Variants in CLNK observed in about 807,000 individuals in gnomAD.
CLNK encodes the protein cytokine dependent hematopoietic cell linker.
CLNK carries 74 observed loss-of-function variants against 68.6 expected under a neutral mutation model. The ratio of observed to expected loss-of-function variants is 1.08; its 90% CI spans 0.89 to 1.31. The LOEUF (loss-of-function observed/expected upper bound fraction) is 1.31. CLNK is among the 50% of genes most tolerant of loss of function. The pLI is 0.00. For synonymous variants in CLNK, 198 were observed against 172.2 expected (o/e 1.15, Z -1.17); for missense variants, 553 against 515.3 (o/e 1.07, Z -0.71).
At chr4:10,664,398 C>T (rs891292476) in intron 2 of CLNK, among the ~76,000 whole-genome samples, 7 of 152,196 alleles carry the variant, frequency 4.6e-5, no homozygotes, top group African/African-American at 1.7e-4. Context: ...GAAGTGAGAA[C>T]TACCCCACAA....
chr4:10,733,488 A>G, the CLNK span, among the ~76,000 whole-genome samples: 77 of 152,328 alleles, frequency 5.1e-4, no homozygotes, highest in Admixed American at 9.8e-4. Flanking sequence ...TAGTTTTCTG[A>G]TGTATAAAAT....
At chr4:10,634,366 T>C (rs1284328457) in intron 2 of CLNK, among the ~76,000 whole-genome samples, 1 of 152,220 alleles carries the variant, frequency 6.6e-6, no homozygotes, top group African/African-American at 2.4e-5. Context: ...CCCCACTGTT[T>C]CCCAGCTTCC....
upstream of CLNK, chr4:10,684,969 G>A (rs1725216277): frequency 1.3e-5 from 2 of 152,148 alleles, no homozygotes. Flanking sequence ...AATGCAAAGG[G>A]TGTTTTTAAA....
chr4:10,681,499 A>G (rs1725090078), intron 1 of CLNK, among the ~76,000 whole-genome samples: 1 of 152,248 alleles, frequency 6.6e-6, no homozygotes, highest in African/African-American at 2.4e-5. Context: ...TTCATGTTGT[A>G]TCTAGACCTT....
intron 15 of CLNK, among the ~76,000 whole-genome samples, chr4:10,514,108 G>A (rs1247961483): frequency 7.1e-6 from 1 of 140,690 alleles, no homozygotes; most frequent in East Asian, 2.1e-4. Context: ...AATATGCGGT[G>A]TTTGGTTTTT....
chr4:10,679,212 C>T (rs908642869), intron 1 of CLNK, among the ~76,000 whole-genome samples: 3 of 152,156 alleles, frequency 2.0e-5, no homozygotes, highest in Non-Finnish European at 4.4e-5. Flanking sequence ...AATAATGCCA[C>T]ATATCTACAA....
intron 16 of CLNK, among the ~76,000 whole-genome samples, chr4:10,509,687 G>A (rs1717481903): frequency 1.3e-5 from 2 of 151,984 alleles, no homozygotes; most frequent in African/African-American, 2.4e-5. Flanking sequence ...CACCATGCCC[G>A]GCTAATTTTT....
the CLNK span, among the ~76,000 whole-genome samples, chr4:10,717,409 A>C: frequency 2.0e-5 from 3 of 152,292 alleles, no homozygotes; most frequent in South Asian, 6.2e-4. Flanking sequence ...CAGCCTGGGC[A>C]ACTTAGAGAA....
chr4:10,616,943 TG>T lies in CLNK; in HGVS notation c.12-18895del, dbSNP rs970671415. Among the ~76,000 whole-genome samples, 18 of 151,838 alleles carry T rather than the reference TG, an allele frequency of 1.2e-4. No individual in the cohort carries two copies. In the East Asian group the frequency reaches 2.3e-3, roughly 20 times the overall value. On this transcript the variant is annotated intron_variant, in intron 2 of 18. Coordinates refer to ENST00000226951, the MANE Select transcript of CLNK (RefSeq NM_052964.4). ...TGTCTGTGGTAGAACGAACTCAGCT[TG>T]GGGGTCAAATATAGCTAGTACATGG...
intron 14 of CLNK, 99 bp downstream of exon 14, chr4:10,525,742 A>G (rs1718287473): frequency 1.5e-6 from 1 of 669,652 alleles, no homozygotes; most frequent in Non-Finnish European, 2.6e-6. Flanking sequence ...AGAAACAAAG[A>G]CTTTCGTTTC....
At chr4:10,527,409 C>A (rs1180130753) in intron 13 of CLNK, among the ~76,000 whole-genome samples, 1 of 152,174 alleles carries the variant, frequency 6.6e-6, no homozygotes, top group African/African-American at 2.4e-5. Flanking sequence ...ACAACTTGAC[C>A]AAAACCACTC....
intron 18 of CLNK, among the ~76,000 whole-genome samples, chr4:10,498,718 TA>T (rs1716914531): frequency 6.6e-6 from 1 of 152,212 alleles, no homozygotes; most frequent in South Asian, 2.1e-4. Flanking sequence ...GGCACTGTTC[TA>T]AGTGTTTTAC....
At chr4:10,520,128 A>C (rs1262622831) in intron 15 of CLNK, among the ~76,000 whole-genome samples, 3 of 152,176 alleles carry the variant, frequency 2.0e-5, no homozygotes, top group African/African-American at 7.2e-5. Context: ...AAAAAAGGAA[A>C]GACAAATGAA....
the CLNK span, among the ~76,000 whole-genome samples, chr4:10,712,973 C>T: frequency 6.6e-6 from 1 of 152,164 alleles, no homozygotes; most frequent in African/African-American, 2.4e-5. Flanking sequence ...AATCAGTAGC[C>T]CCCATTCCCT....
chr4:10,711,358 A>G, the CLNK span, among the ~76,000 whole-genome samples: 2 of 152,226 alleles, frequency 1.3e-5, no homozygotes, highest in Non-Finnish European at 2.9e-5. Context: ...TGGGTCTTCA[A>G]TCTCACAGAA....
At chr4:10,632,178 G>A (rs1186254325) in intron 2 of CLNK, among the ~76,000 whole-genome samples, 1 of 152,202 alleles carries the variant, frequency 6.6e-6, no homozygotes, top group Non-Finnish European at 1.5e-5. Flanking sequence ...CTTTTCCCCA[G>A]TTGTACAGTA....
chr4:10,699,514 T>TATATATATATATA, the CLNK span, among the ~76,000 whole-genome samples: 2 of 18,468 alleles, frequency 1.1e-4, no homozygotes, highest in South Asian at 3.8e-3. Flanking sequence ...ATATATATAT[T>TATATATATATATA]TTTTTTTTTT....
At chr4:10,619,768 A>G (rs1048939797) in intron 2 of CLNK, among the ~76,000 whole-genome samples, 6 of 152,214 alleles carry the variant, frequency 3.9e-5, no homozygotes, top group African/African-American at 1.4e-4. Context: ...CAGGCTCTCA[A>G]GTAGTCTTTC....
chr4:10,658,074 C>T (rs576002289), intron 2 of CLNK, among the ~76,000 whole-genome samples: 6 of 152,274 alleles, frequency 3.9e-5, no homozygotes, highest in Non-Finnish European at 2.9e-5. Flanking sequence ...CACGTCACTG[C>T]CTCTGTGAGG....
Sources: allele counts gnomAD v4.1 joint callset (sites outside exome capture counted in the v4.1 genomes callset), GRCh38; gene constraint gnomAD v4.1.1; transcripts MANE v1.5; gene names NCBI Gene and HGNC (gene_info 2026-07-23, HGNC 2026-07-21).